MAD1L1: variants seen among roughly 807,000 people sequenced by gnomAD.
MAD1L1 encodes mitotic spindle assembly checkpoint protein MAD1.
A neutral mutation model predicts 96.9 loss-of-function variants in MAD1L1; 95 were observed. The observed-to-expected ratio is 0.98, with a 90% CI of 0.83 to 1.16. MAD1L1 has a LOEUF of 1.16. MAD1L1 is among the 50% of genes most tolerant of loss of function. MAD1L1 has a pLI of 0.00. For synonymous variants in MAD1L1, 473 were observed against 396.6 expected (o/e 1.19, Z -2.29); for missense variants, 1,007 against 954.4 (o/e 1.06, Z -0.73).
intron 11 of MAD1L1, among the ~76,000 whole-genome samples, chr7:2,121,612 G>A (rs1022120969): frequency 6.6e-6 from 1 of 152,220 alleles, no homozygotes; most frequent in Admixed American, 6.5e-5. Context: ...TGCAGATCAC[G>A]GCATCCTGGA....
At position 1,954,796 on chromosome 7, in the gene MAD1L1, G is replaced by A. The variant is rs186222184; in HGVS notation, c.1596+2833C>T. Among the ~76,000 whole-genome samples the A allele has an allele frequency of 4.5e-3, 690 of 152,318 alleles. 6 individuals are homozygous for A. The highest frequency in any genetic ancestry group is 0.016 in the African/African-American group (649 of 41,568). ...AGAGGGGGCGCCAGAAGCCCGGCCAGCCACCGTCCGTGGGTGCCCCGAGCT... is the reference window on the plus strand; with the variant it reads ...AGAGGGGGCGCCAGAAGCCCGGCCAACCACCGTCCGTGGGTGCCCCGAGCT... On this transcript the variant is annotated intron_variant, in intron 16 of 18. Coordinates refer to ENST00000265854, the MANE Select transcript of MAD1L1 (RefSeq NM_001013836.2).
chr7:2,102,287 C>T (rs377379306), intron 11 of MAD1L1, among the ~76,000 whole-genome samples: 117 of 124,764 alleles, frequency 9.4e-4, no homozygotes, highest in African/African-American at 2.8e-3. Context: ...CCACCACCAC[C>T]GCCACTGTCA....
At chr7:1,978,013 G>A (rs1029872916) in intron 15 of MAD1L1, among the ~76,000 whole-genome samples, 12 of 152,228 alleles carry the variant, frequency 7.9e-5, no homozygotes, top group Non-Finnish European at 1.5e-4. Flanking sequence ...ACCTTGCAGG[G>A]TCAGGCACCA....
intron 10 of MAD1L1, among the ~76,000 whole-genome samples, chr7:2,165,470 G>A (rs954765954): frequency 1.3e-5 from 2 of 150,890 alleles, no homozygotes; most frequent in African/African-American, 4.9e-5. Context: ...GTCACACTCT[G>A]GGATGCGAGC....
intron 12 of MAD1L1, among the ~76,000 whole-genome samples, chr7:2,061,120 C>T (rs765913506): frequency 2.7e-4 from 41 of 152,168 alleles, no homozygotes; most frequent in Admixed American, 7.9e-4. Flanking sequence ...AGGCAGATCA[C>T]GAGGTCAGGA....
chr7:2,106,429 C>T (rs10215593), intron 11 of MAD1L1, among the ~76,000 whole-genome samples: 3,519 of 152,058 alleles, frequency 0.023, 134 homozygotes, highest in African/African-American at 0.081. Flanking sequence ...TTCCCAGGCC[C>T]GGCCCCACCC....
chr7:2,231,902 A>C (rs1794210930), intron 1 of MAD1L1, among the ~76,000 whole-genome samples: 1 of 152,098 alleles, frequency 6.6e-6, no homozygotes, highest in Non-Finnish European at 1.5e-5. Context: ...CAAGTCTTCC[A>C]CCGCTAGATG....
At chr7:1,845,598 C>T (rs1354106611) in intron 18 of MAD1L1, 4 of 134,006 alleles carry the variant, frequency 3.0e-5, no homozygotes, top group East Asian at 2.1e-4. Context: ...ACGTGCTCCA[C>T]GCAGACATGC....
intron 15 of MAD1L1, among the ~76,000 whole-genome samples, chr7:1,964,989 C>G (rs1562567004): frequency 6.6e-6 from 1 of 152,230 alleles, no homozygotes; most frequent in Non-Finnish European, 1.5e-5. Context: ...TCCCAGACCC[C>G]TGCACTGCCC....
intron 17 of MAD1L1, among the ~76,000 whole-genome samples, chr7:1,917,040 C>T (rs115613923): frequency 0.014 from 2,194 of 152,300 alleles, 47 homozygotes; most frequent in African/African-American, 0.05. Flanking sequence ...CTCCCCACTG[C>T]AGTTTTCCTC....
chr7:1,927,238 C>G (rs147506543), intron 17 of MAD1L1, among the ~76,000 whole-genome samples: 1 of 152,156 alleles, frequency 6.6e-6, no homozygotes, highest in Non-Finnish European at 1.5e-5. Flanking sequence ...ATAAGAAGAA[C>G]GTAAATAAAT....
At chr7:2,055,177 G>A (rs1019035784) in intron 12 of MAD1L1, among the ~76,000 whole-genome samples, 4 of 152,164 alleles carry the variant, frequency 2.6e-5, no homozygotes, top group African/African-American at 4.8e-5. Flanking sequence ...GCAGAGGCAC[G>A]CCACAAACCC....
At chr7:2,141,308 C>G (rs1789020430) in intron 11 of MAD1L1, among the ~76,000 whole-genome samples, 1 of 152,384 alleles carries the variant, frequency 6.6e-6, no homozygotes, top group African/African-American at 2.4e-5. Flanking sequence ...TGACACCCGA[C>G]CATGCCTGCT....
chr7:2,115,467 G>A (rs941361258), intron 11 of MAD1L1, among the ~76,000 whole-genome samples: 1 of 149,550 alleles, frequency 6.7e-6, no homozygotes, highest in Non-Finnish European at 1.5e-5. Context: ...GGGGTCAGAG[G>A]AGGCTGGACA....
chr7:2,104,099 T>C (rs1223190704), intron 11 of MAD1L1, among the ~76,000 whole-genome samples: 3 of 152,230 alleles, frequency 2.0e-5, no homozygotes, highest in African/African-American at 7.2e-5. Context: ...CAACAGGCCA[T>C]ATCTGTTATT....
chr7:1,936,423 A>G (rs1192077924), intron 17 of MAD1L1, among the ~76,000 whole-genome samples: 1 of 152,236 alleles, frequency 6.6e-6, no homozygotes, highest in Non-Finnish European at 1.5e-5. Flanking sequence ...AATTAGTTTA[A>G]GGGCCTGAAA....
chr7:2,125,200 C>G (rs934402629), intron 11 of MAD1L1, among the ~76,000 whole-genome samples: 1 of 152,130 alleles, frequency 6.6e-6, no homozygotes, highest in Non-Finnish European at 1.5e-5. Flanking sequence ...GGCAAGTCAC[C>G]GCCACTGTTG....
intron 11 of MAD1L1, among the ~76,000 whole-genome samples, chr7:2,147,086 C>A (rs764086758): frequency 9.9e-5 from 15 of 152,228 alleles, no homozygotes; most frequent in Non-Finnish European, 2.1e-4. Context: ...CACCAGCAAG[C>A]AGCACTGAGA....
intron 11 of MAD1L1, among the ~76,000 whole-genome samples, chr7:2,135,633 G>A (rs1788711656): frequency 6.6e-6 from 1 of 152,234 alleles, no homozygotes; most frequent in Non-Finnish European, 1.5e-5. Context: ...AGGCTCAGGT[G>A]GTGGGCAATG....
Sources: gnomAD v4.1 joint callset for allele counts (sites outside exome capture counted in the v4.1 genomes callset) on GRCh38, gnomAD v4.1.1 for gene constraint, MANE v1.5 for transcripts, NCBI Gene and HGNC (gene_info 2026-07-23, HGNC 2026-07-21) for gene names.